Variants in NR2C1 observed in about 807,000 individuals in gnomAD.
NR2C1 encodes the protein TR2 nuclear hormone receptor.
NR2C1 carries 33 observed loss-of-function variants against 74.8 expected under a neutral mutation model. The observed-to-expected ratio is 0.44, with a 90% CI of 0.33 to 0.59. The LOEUF (loss-of-function observed/expected upper bound fraction) is 0.59, where lower values mean the gene tolerates loss of function less well. NR2C1 is among the 20% of genes least tolerant of loss of function. The pLI, the probability that NR2C1 is intolerant of heterozygous loss-of-function variation, is 0.02. For synonymous variants in NR2C1, 225 were observed against 240.6 expected (o/e 0.94, Z 0.60); for missense variants, 568 against 715.6 (o/e 0.79, Z 2.35).
chr12:95,067,299 G>A (rs1394086445), intron 2 of NR2C1, 32 bp downstream of exon 2: 15 of 1,587,994 alleles, frequency 9.4e-6, no homozygotes, highest in African/African-American at 2.7e-5. Flanking sequence ...AAAGTTTGGT[G>A]GGCCAGTGCA....
Position 95,021,028 on chromosome 12 carries a change from T to C in NR2C1, c.*1201A>G, listed in dbSNP as rs1868725714. On this transcript the variant is annotated 3_prime_UTR_variant, in exon 14 of 14. Coordinates refer to ENST00000333003, the MANE Select transcript of NR2C1 (RefSeq NM_003297.4). ...TCCATTATTTGACATATTGGGTGAG[T>C]TTTTTTAGTGATCTAAAAGAAATTG... 1.3e-5 allele frequency: 2 copies of C among 152,094 alleles called. No individual in the cohort carries two copies. The highest frequency in any genetic ancestry group is 4.8e-5 in the African/African-American group (2 of 41,416). 9.4% of individuals were successfully genotyped at this position (152,094 alleles called of 1,614,324 possible). A position where few individuals can be genotyped will look rare whatever the true frequency, so the allele number is the denominator to read the frequency against.
At chr12:95,030,193 A>G (rs1350993382) in intron 11 of NR2C1, among the ~76,000 whole-genome samples, 1 of 152,202 alleles carries the variant, frequency 6.6e-6, no homozygotes, top group Non-Finnish European at 1.5e-5. Flanking sequence ...CTTTCAAGAT[A>G]TACCTTTGAG....
intron 9 of NR2C1, among the ~76,000 whole-genome samples, chr12:95,042,219 CTTTT>C (rs1212588554): frequency 4.8e-5 from 6 of 125,856 alleles, no homozygotes; most frequent in Admixed American, 8.1e-5. Flanking sequence ...TCAAAGGTAT[CTTTT>C]TTTTTTTTTT....
chr12:95,057,583 A>T lies in NR2C1; in HGVS notation c.753T>A (p.Thr251=). 2 of 1,613,972 alleles carry T rather than the reference A, an allele frequency of 1.2e-6. No homozygotes were observed. Among genetic ancestry groups the T allele is most frequent in the South Asian group, 1.1e-5 (1 of 91,056 alleles). The part of the protein sequence containing the change: ...FMNIHPSGVK[T]ESAVLMTSDK... ...CTGATGTCATCAGCACAGCTGACTC[A>T]GTTTTTACTCCAGATGGATGAATAT... Residue 251 remains threonine (T), a synonymous_variant, in exon 7 of 14, where the codon ACT becomes ACA. Coordinates refer to ENST00000333003, the MANE Select transcript of NR2C1 (RefSeq NM_003297.4).
At chr12:95,050,598 C>T (rs1481435059) in intron 8 of NR2C1, among the ~76,000 whole-genome samples, 1 of 151,904 alleles carries the variant, frequency 6.6e-6, no homozygotes, top group Non-Finnish European at 1.5e-5. Context: ...CATACGCCAC[C>T]GTGCCCGGCC....
chr12:95,050,660 AG>A (rs1343755864), intron 8 of NR2C1, among the ~76,000 whole-genome samples: 1 of 151,118 alleles, frequency 6.6e-6, no homozygotes, highest in East Asian at 1.9e-4. Context: ...GATGGGGTCT[AG>A]TTGCCGGTTG....
At chr12:95,027,792 A>G (rs1869546012) in intron 12 of NR2C1, among the ~76,000 whole-genome samples, 1 of 152,152 alleles carries the variant, frequency 6.6e-6, no homozygotes, top group African/African-American at 2.4e-5. Flanking sequence ...ATAATTGTAC[A>G]ACTATCACTA....
At chr12:95,043,128 G>C (rs569611623) in intron 9 of NR2C1, among the ~76,000 whole-genome samples, 1 of 152,142 alleles carries the variant, frequency 6.6e-6, no homozygotes, top group East Asian at 1.9e-4. Flanking sequence ...GGACATGGTG[G>C]TGTGCACCTA....
At chr12:95,052,375 TG>T (rs929259224) in intron 7 of NR2C1, among the ~76,000 whole-genome samples, 1 of 152,194 alleles carries the variant, frequency 6.6e-6, no homozygotes, top group African/African-American at 2.4e-5. Flanking sequence ...AAGATGGTCT[TG>T]ATCTCCTGAC....
chr12:95,044,504 C>G (rs112976005), intron 9 of NR2C1, among the ~76,000 whole-genome samples: 39,566 of 151,124 alleles, frequency 0.26, 5,557 homozygotes, highest in Non-Finnish European at 0.27. Flanking sequence ...TCTTGAACTC[C>G]TGACCTCGTG....
At chr12:95,055,728 C>T (rs898247909) in intron 7 of NR2C1, among the ~76,000 whole-genome samples, 4 of 151,102 alleles carry the variant, frequency 2.6e-5, no homozygotes, top group Non-Finnish European at 4.4e-5. Flanking sequence ...CTGAGGCAGG[C>T]GGATCATGAG....
intron 10 of NR2C1, among the ~76,000 whole-genome samples, chr12:95,033,887 A>G (rs111721106): frequency 9.2e-5 from 14 of 152,360 alleles, no homozygotes; most frequent in African/African-American, 3.1e-4. Flanking sequence ...CCCTTTTACA[A>G]TTAATCTTTA....
At position 95,022,242 on chromosome 12, in the gene NR2C1, C is replaced by G. The variant is rs1212392303; in HGVS notation, c.1799G>C (p.Gly600Ala). The G allele has an allele frequency of 6.2e-7, 1 of 1,609,760 alleles. No homozygotes were observed. The highest frequency in any genetic ancestry group is 8.5e-7 in the Non-Finnish European group (1 of 1,179,058). Reference protein sequence around the residue: ...EPADYNSQIIGHSI With the variant: ...EPADYNSQIIAHSI ...CAGTCACAGTTTTCAAATGCTGTGA[C>G]CAATTATTTGAGAGTTATAATCTGC... Residue 600 changes from glycine to alanine, a missense_variant, in exon 14 of 14, where the codon GGT (glycine) becomes GCT (alanine). Physicochemically the swap from Gly to Ala is moderately conservative, Grantham distance 60. Around this residue, in one of 6 missense-constraint regions of NR2C1, gnomAD observed 117 missense variants for 186.7 expected, o/e 0.63. Coordinates refer to ENST00000333003, the MANE Select transcript of NR2C1 (RefSeq NM_003297.4).
chr12:95,057,922 C>A, intron 5 of NR2C1, 44 bp from the exon 6 acceptor site: 1 of 1,539,450 alleles, frequency 6.5e-7, no homozygotes, highest in Non-Finnish European at 8.9e-7. Context: ...ATAGGATTTA[C>A]AGACAATTAG....
At chr12:95,049,546 T>C (rs543043858) in intron 8 of NR2C1, 1 of 188,328 alleles carries the variant, frequency 5.3e-6, no homozygotes, top group African/African-American at 2.3e-5. Context: ...TGCAGTGAGC[T>C]ATGATCACAC....
At position 95,057,636 on chromosome 12, in the gene NR2C1, C is replaced by T; in HGVS notation, c.700G>A (p.Gly234Arg). Residue 234 changes from glycine to arginine, a missense_variant, in exon 7 of 14, where the codon GGA (glycine) becomes AGA (arginine). Around this residue, in one of 6 missense-constraint regions of NR2C1, gnomAD observed 239 missense variants for 232.3 expected, o/e 1.03. Coordinates refer to ENST00000333003, the MANE Select transcript of NR2C1 (RefSeq NM_003297.4). ...ATGAACATTCCTGAATCTAACAGTC[C>T]TGTTGACCTGTAACAAATCAGCACA... ...VTDSESTRST[G>R]LLDSGMFMNI... 6.2e-7 allele frequency: 1 copy of T among 1,613,384 alleles called. No individual in the cohort carries two copies. Among genetic ancestry groups the T allele is most frequent in the Non-Finnish European group, 8.5e-7 (1 of 1,179,856 alleles).
Position 95,051,843 on chromosome 12 carries a change from A to G in NR2C1, c.884T>C (p.Met295Thr), listed in dbSNP as rs1873054693. 1 of 1,611,564 alleles carries G rather than the reference A, an allele frequency of 6.2e-7. No individual in the cohort carries two copies. Among genetic ancestry groups the G allele is most frequent in the African/African-American group, 1.3e-5 (1 of 74,776 alleles). ...TKDLSQNSNEMSMIESLSNDD... is the reference protein window; with the variant it reads ...TKDLSQNSNETSMIESLSNDD... ...ATTGCTTAAGCTTTCAATCATAGAC[A>G]TTTCATTACTATTTTGAGAAAGATC... is the stretch of plus-strand genomic sequence containing the variant. The change falls in exon 8 of 14, where the codon ATG becomes ACG. Residue 295 changes from methionine to threonine, a missense_variant. By Grantham distance (81) the Met-to-Thr change is moderately conservative. Around this residue, in one of 6 missense-constraint regions of NR2C1, gnomAD observed 239 missense variants for 232.3 expected, o/e 1.03. Coordinates refer to ENST00000333003, the MANE Select transcript of NR2C1 (RefSeq NM_003297.4).
In NR2C1 at chr12:95,032,949, C is replaced by G. The variant is rs555193531; in HGVS notation, c.1254-1461G>C. On this transcript the variant is annotated intron_variant, in intron 10 of 13. Transcript: ENST00000333003. ...CACCACTGCACTCCAGCTTGGGTGA[C>G]AGAGTGAGACCCTGTCTCAAAAAAA... Among the ~76,000 whole-genome samples the G allele has an allele frequency of 6.7e-4, 102 of 152,000 alleles. 1 individual carries two copies. Among genetic ancestry groups the G allele is most frequent in the Non-Finnish European group, 1.3e-3 (85 of 67,978 alleles).
intron 9 of NR2C1, among the ~76,000 whole-genome samples, chr12:95,043,689 CA>C (rs34229669): frequency 0.027 from 2,542 of 94,022 alleles, 136 homozygotes; most frequent in Non-Finnish European, 0.039. Context: ...GACTCTGTCT[CA>C]AAAAAAAAAA....
Sources: allele counts gnomAD v4.1 joint callset (sites outside exome capture counted in the v4.1 genomes callset), GRCh38; gene constraint gnomAD v4.1.1; regional missense constraint gnomAD v4.1.1; transcripts MANE v1.5; gene names NCBI Gene and HGNC (gene_info 2026-07-23, HGNC 2026-07-21).